The following LRCH1 variants were observed in gnomAD, a reference collection of about 807,000 sequenced individuals.
The protein encoded by LRCH1 is leucine rich repeats and calponin homology domain containing 1, also known as leucine-rich repeat and calponin homology domain-containing protein 1.
Under a neutral mutation model 94.9 loss-of-function variants are expected in LRCH1, and 23 were observed. That is an observed-to-expected ratio of 0.24 (90% confidence interval 0.17 to 0.34). LRCH1 has a LOEUF of 0.34. LRCH1 is among the 10% of genes least tolerant of loss of function. LRCH1 has a pLI of 1.00. For synonymous variants in LRCH1, 364 were observed against 354.9 expected (o/e 1.03, Z -0.29); for missense variants, 790 against 945.9 (o/e 0.84, Z 2.16).
chr13:46,567,871 C>T (rs554736902), intron 1 of LRCH1, among the ~76,000 whole-genome samples: 1 of 152,240 alleles, frequency 6.6e-6, no homozygotes, highest in South Asian at 2.1e-4. Flanking sequence ...TGAGATAATG[C>T]GTCCTGATAG....
chr13:46,684,122 T>C (rs765127425), intron 4 of LRCH1, among the ~76,000 whole-genome samples: 1 of 152,206 alleles, frequency 6.6e-6, no homozygotes, highest in Non-Finnish European at 1.5e-5. Flanking sequence ...CATATTTTAT[T>C]CTTTCTAGGA....
intron 1 of LRCH1, among the ~76,000 whole-genome samples, chr13:46,622,924 G>A (rs1445266011): frequency 6.6e-6 from 1 of 152,142 alleles, no homozygotes; most frequent in Admixed American, 6.5e-5. Context: ...CTGTTGCGTC[G>A]TACTGCTCAG....
At chr13:46,592,562 G>A (rs985556815) in intron 1 of LRCH1, among the ~76,000 whole-genome samples, 1 of 152,190 alleles carries the variant, frequency 6.6e-6, no homozygotes, top group African/African-American at 2.4e-5. Flanking sequence ...GGAAAAACCT[G>A]TTTAATTCCT....
At chr13:46,560,883 C>T (rs553389644) in intron 1 of LRCH1, among the ~76,000 whole-genome samples, 7 of 152,286 alleles carry the variant, frequency 4.6e-5, no homozygotes, top group African/African-American at 1.4e-4. Flanking sequence ...AGAAATAGTA[C>T]ATTTGGAAAC....
chr13:46,642,644 C>G (rs745528610), intron 1 of LRCH1, among the ~76,000 whole-genome samples: 6 of 152,194 alleles, frequency 3.9e-5, no homozygotes, highest in Non-Finnish European at 8.8e-5. Flanking sequence ...ATGCTTAATT[C>G]TGGATTGGGT....
At chr13:46,635,989 T>C (rs74585677) in intron 1 of LRCH1, among the ~76,000 whole-genome samples, 12,820 of 151,820 alleles carry the variant, frequency 0.084, 654 homozygotes, top group Middle Eastern at 0.16. Context: ...GTCTCTCTCT[T>C]TGCAAAGTTT....
At chr13:46,723,776 G>A (rs1236409158) in intron 17 of LRCH1, among the ~76,000 whole-genome samples, 1 of 151,814 alleles carries the variant, frequency 6.6e-6, no homozygotes, top group African/African-American at 2.4e-5. Context: ...CTTCAGCCTG[G>A]GTGACAACAG....
At chr13:46,697,658 C>T (rs1319335016) in intron 9 of LRCH1, among the ~76,000 whole-genome samples, 1 of 152,182 alleles carries the variant, frequency 6.6e-6, no homozygotes, top group African/African-American at 2.4e-5. Context: ...CCTTGTTCCA[C>T]CTCATCTGGG....
Position 46,744,489 on chromosome 13 carries a change from G to A in LRCH1, c.*2641G>A. 2 of 985,362 alleles carry A rather than the reference G, an allele frequency of 2.0e-6. No homozygotes were observed. The highest frequency in any genetic ancestry group is 9.4e-5 in the South Asian group (2 of 21,284). The allele number at this position is 985,362 out of a possible 1,614,324, so 61.0% of individuals were successfully genotyped here. ...TTTCCTATTTATGGATTTCTGGTTT[G>A]TTATTTTTAGGGAGAGACACTTATG... On this transcript the variant is annotated 3_prime_UTR_variant, in exon 20 of 20. Transcript: ENST00000389797.
exon 19 of LRCH1, chr13:46,750,969 C>G (rs1874106538): frequency 5.0e-6 from 1 of 198,222 alleles, no homozygotes; most frequent in South Asian, 1.8e-4. Context: ...ACGCCAAGCA[C>G]AACCGTTTTG....
chr13:46,682,439 G>T (rs893608923), intron 4 of LRCH1, among the ~76,000 whole-genome samples: 1 of 152,240 alleles, frequency 6.6e-6, no homozygotes, highest in South Asian at 2.1e-4. Context: ...GGTAATAGAG[G>T]TTAGGACTTC....
At chr13:46,701,609 T>C (rs1224518826) in intron 11 of LRCH1, among the ~76,000 whole-genome samples, 2 of 152,214 alleles carry the variant, frequency 1.3e-5, no homozygotes, top group African/African-American at 4.8e-5. Flanking sequence ...AGTACTGTAT[T>C]TATATGGGGT....
At chr13:46,725,610 A>T (rs978170429) in intron 17 of LRCH1, among the ~76,000 whole-genome samples, 1 of 152,252 alleles carries the variant, frequency 6.6e-6, no homozygotes, top group Non-Finnish European at 1.5e-5. Context: ...CCCTATAAAC[A>T]AAATTTAGAT....
At chr13:46,629,796 A>G (rs1170351701) in intron 1 of LRCH1, among the ~76,000 whole-genome samples, 1 of 152,238 alleles carries the variant, frequency 6.6e-6, no homozygotes, top group African/African-American at 2.4e-5. Context: ...AAAACCTTGA[A>G]TGGACATGAA....
chr13:46,701,129 C>T lies in LRCH1; in HGVS notation c.1322C>T (p.Ser441Leu). The change falls in exon 11 of 20, where the codon TCA becomes TTA. Residue 441 changes from serine (S) to leucine (L), a missense_variant. By Grantham distance (145) the Ser-to-Leu change is moderately radical. Coordinates refer to ENST00000389797, the MANE Select transcript of LRCH1 (RefSeq NM_001164211.2). ...VHWQTEGIIS[S>L]SKDQDMDIAM... ...TTGGTTTCACGTTACAGAATAAGTT[C>T]ATCCAAAGATCAGGACATGGATATA... 3 of 1,607,044 alleles carry T rather than the reference C, an allele frequency of 1.9e-6. No homozygotes were observed. Among genetic ancestry groups the T allele is most frequent in the Non-Finnish European group, 2.6e-6 (3 of 1,173,934 alleles).
At chr13:46,553,824 C>T in intron 1 of LRCH1, 121 bp downstream of exon 1, 2 of 1,515,086 alleles carry the variant, frequency 1.3e-6, no homozygotes, top group Non-Finnish European at 1.8e-6. Flanking sequence ...GTCCATCGGC[C>T]CGTTGTCTCC....
rs541675463 is a variant in LRCH1 at position 46,742,068 on chromosome 13, G to C, written c.*220G>C. 2.1e-6 allele frequency: 3 copies of C among 1,400,584 alleles called. No homozygotes were observed. The African/African-American group carries it at 4.4e-5, about 20-fold the overall frequency. 86.8% of individuals were successfully genotyped at this position (1,400,584 alleles called of 1,614,324 possible). On this transcript the variant is annotated 3_prime_UTR_variant, in exon 20 of 20. Transcript: ENST00000389797. Reference sequence around the variant, plus strand: ...CTCTCACTTACTGAAATACAACGACGACGACTGCAAAGTGTATGCACACCG... The same window carrying C: ...CTCTCACTTACTGAAATACAACGACCACGACTGCAAAGTGTATGCACACCG...
intron 3 of LRCH1, among the ~76,000 whole-genome samples, chr13:46,675,478 C>T (rs1247868129): frequency 6.6e-6 from 1 of 152,196 alleles, no homozygotes; most frequent in Non-Finnish European, 1.5e-5. Flanking sequence ...TCAAAAATCT[C>T]ACAAGGCCTG....
chr13:46,566,313 C>CT (rs1017210794), intron 1 of LRCH1, among the ~76,000 whole-genome samples: 27 of 152,122 alleles, frequency 1.8e-4, no homozygotes, highest in African/African-American at 5.5e-4. Flanking sequence ...CAATTGTTAT[C>CT]TTTTTTTTCC....
Sources: allele counts gnomAD v4.1 joint callset (sites outside exome capture counted in the v4.1 genomes callset), GRCh38; gene constraint gnomAD v4.1.1; transcripts MANE v1.5; gene names NCBI Gene and HGNC (gene_info 2026-07-23, HGNC 2026-07-21).